SPTLC2: variants seen among roughly 807,000 people sequenced by gnomAD.
SPTLC2 encodes serine palmitoyltransferase long chain base subunit 2.
A neutral mutation model predicts 62.0 loss-of-function variants in SPTLC2; 21 were observed. The ratio of observed to expected loss-of-function variants is 0.34; its 90% confidence interval spans 0.24 to 0.49. SPTLC2 has a LOEUF of 0.49. SPTLC2 is among the 20% of genes least tolerant of loss of function. The probability of loss-of-function intolerance (pLI) is 0.99; values close to 1 mark genes in which losing one functional copy is unlikely to be tolerated. For synonymous variants in SPTLC2, 261 were observed against 261.8 expected (o/e 1.00, Z 0.03); for missense variants, 511 against 713.0 (o/e 0.72, Z 3.23).
intron 9 of SPTLC2, among the ~76,000 whole-genome samples, chr14:77,535,009 C>T (rs1419478838): frequency 6.6e-6 from 1 of 152,098 alleles, no homozygotes; most frequent in African/African-American, 2.4e-5. Flanking sequence ...TCACTGCAAC[C>T]CTCCGCCTCC....
At chr14:77,599,517 G>A (rs760398368) in intron 1 of SPTLC2, among the ~76,000 whole-genome samples, 4 of 152,168 alleles carry the variant, frequency 2.6e-5, no homozygotes, top group South Asian at 2.1e-4. Flanking sequence ...GGAATAGTTC[G>A]GAAAGACACA....
At chr14:77,527,956 G>A (rs1346290082) in intron 9 of SPTLC2, among the ~76,000 whole-genome samples, 1 of 152,128 alleles carries the variant, frequency 6.6e-6, no homozygotes, top group African/African-American at 2.4e-5. Flanking sequence ...GTTTGAGCCT[G>A]CAGCTTCAAA....
At chr14:77,557,772 A>G (rs2079592778) in intron 6 of SPTLC2, among the ~76,000 whole-genome samples, 1 of 152,136 alleles carries the variant, frequency 6.6e-6, no homozygotes, top group Non-Finnish European at 1.5e-5. Context: ...TCCATGTTTG[A>G]CTTCATCAGT....
At chr14:77,589,943 A>G (rs1346898657) in intron 2 of SPTLC2, among the ~76,000 whole-genome samples, 1 of 149,374 alleles carries the variant, frequency 6.7e-6, no homozygotes, top group African/African-American at 2.5e-5. Context: ...ATGCGATTGC[A>G]CTCCAGCCTG....
chr14:77,586,210 G>A (rs2079780594), intron 2 of SPTLC2, among the ~76,000 whole-genome samples: 1 of 151,448 alleles, frequency 6.6e-6, no homozygotes, highest in Admixed American at 6.6e-5. Context: ...CAAGTAGTTG[G>A]GATTACAGGT....
Position 77,548,020 on chromosome 14 carries a change from T to C in SPTLC2, c.1303+4076A>G, listed in dbSNP as rs1437941530. ...TCAAATGAGCCAAACCTAGTTTTAA[T>C]TAAACCTCAATCTGCTCAGGGTAGT... On this transcript the variant is annotated intron_variant, in intron 9 of 11. Transcript: ENST00000216484. Among the ~76,000 whole-genome samples, 12 of 152,142 alleles carry C rather than the reference T, an allele frequency of 7.9e-5. 1 individual carries two copies. Among genetic ancestry groups the C allele is most frequent in the Admixed American group, 6.5e-4 (10 of 15,268 alleles).
intron 2 of SPTLC2, among the ~76,000 whole-genome samples, chr14:77,579,994 G>A (rs891931760): frequency 4.0e-5 from 6 of 151,862 alleles, no homozygotes; most frequent in East Asian, 3.9e-4. Context: ...TCAAAAAGAC[G>A]GCTCTTCCCT....
At chr14:77,541,170 AGGC>A (rs534057622) in intron 9 of SPTLC2, among the ~76,000 whole-genome samples, 181 of 152,178 alleles carry the variant, frequency 1.2e-3, no homozygotes, top group Admixed American at 3.8e-3. Context: ...CTGGGACTAT[AGGC>A]ATAAGCCACC....
chr14:77,556,396 G>T (rs17751746), intron 7 of SPTLC2, among the ~76,000 whole-genome samples: 11,756 of 152,088 alleles, frequency 0.077, 635 homozygotes, highest in Admixed American at 0.15. Flanking sequence ...AAATAATTAA[G>T]GTCACAGCAG....
rs547612454 is a variant in SPTLC2 at position 77,606,758 on chromosome 14, G to A, written c.133-9378C>T. ...TCCCAACACTTTGGGAGGCCAAGGC[G>A]GGAGGATTGCTTGGACCCAGGAGTT... On this transcript the variant is annotated intron_variant, in intron 1 of 11. Transcript: ENST00000216484. 3.1e-3 allele frequency among the ~76,000 whole-genome samples: 476 copies of A among 152,274 alleles called. 3 individuals carry two copies. Among genetic ancestry groups the A allele is most frequent in the Non-Finnish European group, 5.9e-3 (404 of 68,008 alleles).
At chr14:77,608,925 T>TAATAATAA (rs2079920145) in intron 1 of SPTLC2, among the ~76,000 whole-genome samples, 1 of 121,366 alleles carries the variant, frequency 8.2e-6, no homozygotes, top group African/African-American at 3.6e-5. Context: ...CTCAAAATAA[T>TAATAATAA]AATAATAATA....
intron 11 of SPTLC2, among the ~76,000 whole-genome samples, chr14:77,515,708 C>T (rs1309380767): frequency 2.0e-5 from 3 of 151,942 alleles, no homozygotes; most frequent in Non-Finnish European, 4.4e-5. Context: ...CCCCACCATG[C>T]CTGGCTAATT....
chr14:77,515,001 A>G (rs1228546699), intron 11 of SPTLC2, among the ~76,000 whole-genome samples: 1 of 152,192 alleles, frequency 6.6e-6, no homozygotes, highest in Non-Finnish European at 1.5e-5. Context: ...CTGACCTAGT[A>G]CTGTTTGTTG....
At chr14:77,552,332 T>C in intron 8 of SPTLC2, 110 bp from the exon 9 acceptor site, 1 of 1,278,098 alleles carries the variant, frequency 7.8e-7, no homozygotes, top group Non-Finnish European at 1.1e-6. Flanking sequence ...GGCACTGGAA[T>C]AGGGACACTA....
intron 2 of SPTLC2, among the ~76,000 whole-genome samples, chr14:77,592,270 G>T (rs2079822061): frequency 6.6e-6 from 1 of 151,888 alleles, no homozygotes; most frequent in Non-Finnish European, 1.5e-5. Context: ...AAGTAGCTGG[G>T]ATTACAGGTG....
intron 2 of SPTLC2, among the ~76,000 whole-genome samples, chr14:77,581,365 GA>G (rs2079749029): frequency 6.7e-6 from 1 of 148,494 alleles, no homozygotes; most frequent in Non-Finnish European, 1.5e-5. Context: ...AGCAAAGTCA[GA>G]AGCTACTCTA....
chr14:77,524,708 T>G, intron 9 of SPTLC2, among the ~76,000 whole-genome samples: 1 of 152,154 alleles, frequency 6.6e-6, no homozygotes, highest in Non-Finnish European at 1.5e-5. Flanking sequence ...TTGCACAAGA[T>G]GGATGGGACT....
chr14:77,590,271 C>T (rs2079808651), intron 2 of SPTLC2, among the ~76,000 whole-genome samples: 1 of 152,242 alleles, frequency 6.6e-6, no homozygotes, highest in Non-Finnish European at 1.5e-5. Context: ...AGCTAACACG[C>T]CTGGCCTCTG....
rs141247548 is a variant in SPTLC2 at position 77,607,556 on chromosome 14, T to G, written c.132+8892A>C. On this transcript the variant is annotated intron_variant, in intron 1 of 11. Transcript: ENST00000216484. ...AATTGAGATTTTCTAAGAATCAAAT[T>G]TTCCTTTAATTATTTCAGAGGTACT... Among the ~76,000 whole-genome samples, 1,193 of 152,330 alleles carry G rather than the reference T, an allele frequency of 7.8e-3. 13 individuals carry two copies. Among genetic ancestry groups the G allele is most frequent in the African/African-American group, 0.027 (1,143 of 41,576 alleles).
Sources: allele counts gnomAD v4.1 joint callset (sites outside exome capture counted in the v4.1 genomes callset), GRCh38; gene constraint gnomAD v4.1.1; transcripts MANE v1.5; gene names NCBI Gene and HGNC (gene_info 2026-07-23, HGNC 2026-07-21).